RBFOX1: variants seen among roughly 807,000 people sequenced by gnomAD.
RBFOX1 encodes the protein RNA binding fox-1 homolog 1.
RBFOX1 carries 8 observed loss-of-function variants against 57.7 expected under a neutral mutation model. That is an observed-to-expected ratio of 0.14 (90% CI 0.08 to 0.25). The LOEUF (loss-of-function observed/expected upper bound fraction) is 0.25. Ranked by LOEUF, RBFOX1 falls within the 10% of genes least tolerant of loss-of-function variation. The pLI is 1.00. For synonymous variants in RBFOX1, 326 were observed against 222.4 expected (o/e 1.47, Z -4.15); for missense variants, 611 against 548.5 (o/e 1.11, Z -1.14).
At chr16:7,294,426 G>A (rs930949733) in intron 4 of RBFOX1, among the ~76,000 whole-genome samples, 5 of 151,672 alleles carry the variant, frequency 3.3e-5, no homozygotes, top group East Asian at 1.9e-4. Context: ...GGTGTGTCTC[G>A]GGTCTCTTTT....
chr16:7,046,444 C>T (rs77603130), intron 3 of RBFOX1, among the ~76,000 whole-genome samples: 3 of 151,888 alleles, frequency 2.0e-5, no homozygotes, highest in African/African-American at 7.3e-5. Context: ...AGCTTGACTT[C>T]GGTGATTGTT....
At chr16:6,350,040 C>T (rs976265314) in intron 2 of RBFOX1, among the ~76,000 whole-genome samples, 4 of 152,074 alleles carry the variant, frequency 2.6e-5, no homozygotes, top group Non-Finnish European at 5.9e-5. Flanking sequence ...CTCAAGTATC[C>T]TTCTCAAAGC....
Position 7,518,336 on chromosome 16 carries a change from T to A in RBFOX1, c.217T>A (p.Ser73Thr). 1 of 1,613,730 alleles carries A rather than the reference T, an allele frequency of 6.2e-7. No homozygotes were observed. The highest frequency in any genetic ancestry group is 8.5e-7 in the Non-Finnish European group (1 of 1,179,858). ...LNLYPPAQTH[S>T]EQSPADTSAQ... ...CCTGTACCCTCCCGCCCAGACGCAC[T>A]CCGAGCAGAGCCCGGCGGACACGAG... Residue 73 changes from serine (S) to threonine (T), a missense_variant, in exon 5 of 16, where the codon TCC (serine) becomes ACC (threonine). Ser to Thr is a moderately conservative substitution (Grantham distance 58, BLOSUM62 1). Around this residue, in one of 3 missense-constraint regions of RBFOX1, gnomAD observed 245 missense variants for 159.1 expected, o/e 1.54. Transcript: ENST00000550418.
intron 2 of RBFOX1, among the ~76,000 whole-genome samples, chr16:6,418,020 A>G (rs1253353647): frequency 2.6e-5 from 4 of 152,218 alleles, no homozygotes; most frequent in Admixed American, 6.5e-5. Context: ...CAAATAAGAG[A>G]CACAGGCCAA....
intron 4 of RBFOX1, among the ~76,000 whole-genome samples, chr16:7,162,910 G>T (rs1313535031): frequency 6.6e-6 from 1 of 152,168 alleles, no homozygotes; most frequent in Non-Finnish European, 1.5e-5. Flanking sequence ...ATGTTGAAAT[G>T]AAGACATGTG....
chr16:5,778,047 T>C (rs1047748282), intron 3 of RBFOX1, among the ~76,000 whole-genome samples: 3 of 152,098 alleles, frequency 2.0e-5, no homozygotes, highest in Non-Finnish European at 2.9e-5. Flanking sequence ...AGTGCAGTGG[T>C]GAGCTGGAAC....
intron 4 of RBFOX1, among the ~76,000 whole-genome samples, chr16:7,217,009 TTCCCTCCCTCCCTCCCTCCCTCCC>T (rs1199769051): frequency 1.2e-4 from 2 of 16,834 alleles, no homozygotes; most frequent in African/African-American, 2.5e-4. Context: ...CCTCCCTCCC[TTCCCTCCCTCCCTCCCTCCCTCCC>T]TCCCTCCCTC....
At chr16:7,322,344 T>G (rs1434228015) in intron 4 of RBFOX1, among the ~76,000 whole-genome samples, 1 of 152,216 alleles carries the variant, frequency 6.6e-6, no homozygotes, top group Non-Finnish European at 1.5e-5. Flanking sequence ...CAAGCTGTGG[T>G]GAATGCTGAC....
chr16:6,077,044 TGTA>T (rs1442853732), intron 1 of RBFOX1, among the ~76,000 whole-genome samples: 1 of 152,122 alleles, frequency 6.6e-6, no homozygotes, highest in Non-Finnish European at 1.5e-5. Context: ...GCTCGGCAAA[TGTA>T]GTTTTATTTA....
chr16:7,397,933 A>G (rs1222279257), intron 4 of RBFOX1, among the ~76,000 whole-genome samples: 2 of 152,054 alleles, frequency 1.3e-5, no homozygotes, highest in Admixed American at 1.3e-4. Context: ...TTGGCTCTTA[A>G]ATTTCTCGGC....
At chr16:6,717,077 C>T (rs2064980669) in intron 3 of RBFOX1, among the ~76,000 whole-genome samples, 2 of 152,166 alleles carry the variant, frequency 1.3e-5, no homozygotes, top group South Asian at 4.1e-4. Flanking sequence ...CAAGAGTTCC[C>T]TTCCCACACA....
intron 2 of RBFOX1, among the ~76,000 whole-genome samples, chr16:6,448,551 A>G (rs1597386875): frequency 6.6e-6 from 1 of 152,194 alleles, no homozygotes; most frequent in Non-Finnish European, 1.5e-5. Context: ...GTTTAGCAGC[A>G]TTCCTAGACT....
intron 4 of RBFOX1, among the ~76,000 whole-genome samples, chr16:7,427,042 C>A (rs1198924569): frequency 6.6e-6 from 1 of 152,188 alleles, no homozygotes; most frequent in East Asian, 1.9e-4. Flanking sequence ...CGTGTTCTCA[C>A]TCATAGGTGG....
At chr16:7,407,373 G>GGTGGGTGT (rs1555860958) in intron 4 of RBFOX1, among the ~76,000 whole-genome samples, 2 of 149,662 alleles carry the variant, frequency 1.3e-5, no homozygotes, top group South Asian at 2.1e-4. Flanking sequence ...GATTTGTATG[G>GGTGGGTGT]GTGTGTGTGT....
At chr16:5,687,503 A>T (rs970761209) in intron 3 of RBFOX1, among the ~76,000 whole-genome samples, 4 of 152,222 alleles carry the variant, frequency 2.6e-5, no homozygotes, top group African/African-American at 9.6e-5. Context: ...TTCTGAAGCT[A>T]TGTTCGAATG....
chr16:7,194,579 C>G (rs2086221191), intron 4 of RBFOX1, among the ~76,000 whole-genome samples: 1 of 152,118 alleles, frequency 6.6e-6, no homozygotes, highest in South Asian at 2.1e-4. Context: ...ATCTTTGAAT[C>G]CATTCTGTTT....
At chr16:5,444,738 G>C (rs2068190143) in intron 1 of RBFOX1, among the ~76,000 whole-genome samples, 1 of 152,194 alleles carries the variant, frequency 6.6e-6, no homozygotes, top group South Asian at 2.1e-4. Context: ...CATGCACAGA[G>C]CATTTCTGTG....
chr16:7,101,881 A>G (rs1441002641), intron 4 of RBFOX1, among the ~76,000 whole-genome samples: 1 of 152,132 alleles, frequency 6.6e-6, no homozygotes, highest in Non-Finnish European at 1.5e-5. Flanking sequence ...TACAGTTGGT[A>G]AACTGTACCA....
chr16:5,296,559 TAA>T (rs529106351), intron 1 of RBFOX1, among the ~76,000 whole-genome samples: 14 of 149,282 alleles, frequency 9.4e-5, no homozygotes, highest in African/African-American at 3.4e-4. Context: ...ATTTTTTAAT[TAA>T]AAAAAAAAAA....
Sources: allele counts gnomAD v4.1 joint callset (sites outside exome capture counted in the v4.1 genomes callset), GRCh38; gene constraint gnomAD v4.1.1; regional missense constraint gnomAD v4.1.1; transcripts MANE v1.5; gene names NCBI Gene and HGNC (gene_info 2026-07-23, HGNC 2026-07-21).